Variants in UNC79 observed in about 807,000 individuals in gnomAD.
The protein encoded by UNC79 is protein unc-79 homolog.
UNC79 carries 37 observed loss-of-function variants against 283.1 expected under a neutral mutation model. That is an observed-to-expected ratio of 0.13 (90% CI 0.10 to 0.17). The LOEUF is 0.17. Ranked by LOEUF, UNC79 falls within the 10% of genes least tolerant of loss-of-function variation. UNC79 has a pLI of 1.00. For synonymous variants in UNC79, 1,107 were observed against 1,200.2 expected, an observed-to-expected ratio of 0.92 and a Z score of 1.61; for missense variants, 2,272 against 3,211.1, an observed-to-expected ratio of 0.71 and a Z score of 7.07.
chr14:93,618,410 C>G, intron 29 of UNC79, 56 bp downstream of exon 30: 1 of 1,460,648 alleles, frequency 6.8e-7, no homozygotes, highest in African/African-American at 1.4e-5. Context: ...GATTTCTGGA[C>G]AATGTTTTCT....
chr14:93,462,618 T>C (rs924177399), intron 1 of UNC79, among the ~76,000 whole-genome samples: 1 of 152,132 alleles, frequency 6.6e-6, no homozygotes, highest in Admixed American at 6.5e-5. Flanking sequence ...GTAATGACAG[T>C]GACGATAAGG....
At chr14:93,578,512 A>G (rs1294487841) in intron 18 of UNC79, among the ~76,000 whole-genome samples, 1 of 152,186 alleles carries the variant, frequency 6.6e-6, no homozygotes, top group Non-Finnish European at 1.5e-5. Flanking sequence ...ATTTGCAGAA[A>G]AGTTACAAGA....
At chr14:93,596,267 C>G (rs1336943135) in intron 23 of UNC79, among the ~76,000 whole-genome samples, 1 of 152,180 alleles carries the variant, frequency 6.6e-6, no homozygotes, top group Admixed American at 6.5e-5. Flanking sequence ...AAAGGCCACT[C>G]TAGGAGATCA....
intron 27 of UNC79, among the ~76,000 whole-genome samples, chr14:93,613,392 T>TA (rs2066450912): frequency 6.6e-6 from 1 of 151,952 alleles, no homozygotes; most frequent in African/African-American, 2.4e-5. Flanking sequence ...ATATGATAGT[T>TA]ACATAATCAT....
chr14:93,617,446 T>C lies in UNC79; in HGVS notation c.4224+142T>C. The C allele has an allele frequency of 1.2e-6, 1 of 849,846 alleles. No individual in the cohort carries two copies. The highest frequency in any genetic ancestry group is 1.7e-6 in the Non-Finnish European group (1 of 573,464). The allele number at this position is 849,846 out of a possible 1,614,324, so 52.6% of individuals were successfully genotyped here. A position where few individuals can be genotyped will look rare whatever the true frequency, so the allele number is the denominator to read the frequency against. On this transcript the variant is annotated intron_variant, in intron 28 of 48. Transcript: ENST00000555664. The surrounding 1 kb of genome is among the most constrained non-coding windows in gnomAD (Gnocchi z 4.5). ...GAAGATCAGGATATGCAATTACTGTTAAGAACCAAAGAGCTATTGAAATGA... is the reference window on the plus strand; with the variant it reads ...GAAGATCAGGATATGCAATTACTGTCAAGAACCAAAGAGCTATTGAAATGA...
At chr14:93,612,649 T>G (rs2066393783) in intron 26 of UNC79, 148 bp from the exon 28 acceptor site, 6 of 1,005,316 alleles carry the variant, frequency 6.0e-6, no homozygotes, top group Non-Finnish European at 8.7e-6. Flanking sequence ...CTAGGCCATA[T>G]TGTGCCTTTA....
chr14:93,384,021 C>T (rs1409058683), intron 1 of UNC79, among the ~76,000 whole-genome samples: 5 of 152,182 alleles, frequency 3.3e-5, no homozygotes, highest in African/African-American at 1.2e-4. Flanking sequence ...GTCCAATAAA[C>T]CTCTTTCTTT....
At chr14:93,539,110 C>T (rs2061243454) in intron 12 of UNC79, among the ~76,000 whole-genome samples, 1 of 148,638 alleles carries the variant, frequency 6.7e-6, no homozygotes, top group Admixed American at 6.7e-5. Context: ...ACCATGCTGG[C>T]CAGGCTGGTC....
At chr14:93,576,339 A>G (rs1345201162) in intron 17 of UNC79, among the ~76,000 whole-genome samples, 1 of 152,198 alleles carries the variant, frequency 6.6e-6, no homozygotes, top group Non-Finnish European at 1.5e-5. Flanking sequence ...AAAAATACCT[A>G]GGTGATAGGT....
intron 1 of UNC79, among the ~76,000 whole-genome samples, chr14:93,380,746 T>A (rs1041893133): frequency 6.6e-6 from 1 of 152,228 alleles, no homozygotes; most frequent in African/African-American, 2.4e-5. Context: ...GAATGAAAGA[T>A]GCTTGTTTAA....
chr14:93,357,617 G>A (rs2054112286), intron 1 of UNC79, among the ~76,000 whole-genome samples: 1 of 142,954 alleles, frequency 7.0e-6, no homozygotes, highest in Non-Finnish European at 1.5e-5. Flanking sequence ...TTCTTAGCTT[G>A]CAGATGGCCT....
At chr14:93,391,230 G>C (rs1184618139) in intron 1 of UNC79, among the ~76,000 whole-genome samples, 1 of 151,822 alleles carries the variant, frequency 6.6e-6, no homozygotes, top group African/African-American at 2.4e-5. Flanking sequence ...AAATGTATGG[G>C]ACAAGTGGAT....
intron 5 of UNC79, 68 bp downstream of exon 5, chr14:93,487,823 G>A (rs1188716421): frequency 2.1e-6 from 3 of 1,448,702 alleles, no homozygotes; most frequent in Admixed American, 3.5e-5. Context: ...CAAACAAGCA[G>A]GCTAGATGTT....
At chr14:93,622,275 C>T in exon 30 of UNC79, 1 of 1,614,218 alleles carries the variant, frequency 6.2e-7, no homozygotes. Flanking sequence ...AGCCTGAGCA[C>T]AGCTCCGCTT....
chr14:93,619,680 A>G (rs909235754), intron 29 of UNC79, among the ~76,000 whole-genome samples: 7 of 152,200 alleles, frequency 4.6e-5, no homozygotes, highest in African/African-American at 1.7e-4. Flanking sequence ...TTACTACTTC[A>G]AGTTTCATTT....
At chr14:93,499,536 T>C (rs911526668) in intron 7 of UNC79, among the ~76,000 whole-genome samples, 2 of 152,180 alleles carry the variant, frequency 1.3e-5, no homozygotes, top group African/African-American at 4.8e-5. Context: ...GACATGGAAA[T>C]CCATTCATTT....
Position 93,592,388 on chromosome 14 carries a change from A to T in UNC79, c.3033-1292A>T, listed in dbSNP as rs758244279. Among the ~76,000 whole-genome samples the T allele has an allele frequency of 7.9e-5, 12 of 151,828 alleles. 1 individual carries two copies. Among genetic ancestry groups the T allele is most frequent in the Non-Finnish European group, 1.3e-4 (9 of 67,952 alleles). ...ACGGAGTTTCACTGTGTTAGCCAGG[A>T]TGGTCTCGATCTCCTGACCTTGTGA... On this transcript the variant is annotated intron_variant, in intron 22 of 48. Coordinates refer to ENST00000555664, the Ensembl canonical transcript of UNC79.
At position 93,529,572 on chromosome 14, in the gene UNC79, G is replaced by A. The variant is rs936490645; in HGVS notation, c.1093+246G>A. ...AGATATTGGAATTAGGATTCCATAC[G>A]ACTAAAGCCCTGCCAAATTATGTCT... On this transcript the variant is annotated intron_variant, in intron 10 of 48. Transcript: ENST00000555664. Among the ~76,000 whole-genome samples the A allele has an allele frequency of 3.3e-5, 5 of 152,124 alleles. No individual in the cohort carries two copies. The South Asian group carries it at 8.3e-4, about 25-fold the overall frequency.
intron 5 of UNC79, among the ~76,000 whole-genome samples, chr14:93,490,318 G>C (rs138582062): frequency 0.014 from 2,073 of 152,164 alleles, 57 homozygotes; most frequent in African/African-American, 0.048. Context: ...TTCCTAACAG[G>C]CTTCTTCATC....
Sources: gnomAD v4.1 joint callset for allele counts (sites outside exome capture counted in the v4.1 genomes callset) on GRCh38, gnomAD v4.1.1 for gene constraint, Gnocchi (gnomAD v3.1) non-coding constraint, MANE v1.5 for transcripts, NCBI Gene and HGNC (gene_info 2026-07-23, HGNC 2026-07-21) for gene names.